SDK1: variants seen among roughly 807,000 people sequenced by gnomAD.
SDK1 encodes protein sidekick-1.
In SDK1, 157 loss-of-function variants were observed where a neutral mutation model predicts 245.5. The observed-to-expected ratio is 0.64, with a 90% CI of 0.56 to 0.73. The LOEUF (loss-of-function observed/expected upper bound fraction) is 0.73. Ranked by LOEUF, SDK1 falls within the 30% of genes least tolerant of loss-of-function variation. SDK1 has a pLI of 0.00. For missense variants in SDK1, 3,583 were observed against 3,002.3 expected (o/e 1.19, Z -4.52); for synonymous variants, 1,647 against 1,278.5 (o/e 1.29, Z -6.15).
At chr7:3,503,500 A>G (rs1238605968) in intron 1 of SDK1, among the ~76,000 whole-genome samples, 3 of 152,070 alleles carry the variant, frequency 2.0e-5, no homozygotes, top group African/African-American at 7.2e-5. Context: ...CAATATAGTG[A>G]GAACCTTCCT....
At position 3,648,145 on chromosome 7, in the gene SDK1, G is replaced by A. The variant is rs140491169; in HGVS notation, c.713+6040G>A. Among the ~76,000 whole-genome samples the A allele has an allele frequency of 6.6e-4, 100 of 152,216 alleles. 2 individuals carry two copies. The East Asian group carries it at 0.018, about 28-fold the overall frequency. Reference sequence around the variant, plus strand: ...TCTAATTTGATAATAAAATTGTTCTGTGTTATTTTGGTTTAGATATATTTT... The same window carrying A: ...TCTAATTTGATAATAAAATTGTTCTATGTTATTTTGGTTTAGATATATTTT... On this transcript the variant is annotated intron_variant, in intron 4 of 44. Coordinates refer to ENST00000404826, the MANE Select transcript of SDK1 (RefSeq NM_152744.4).
At chr7:3,580,968 C>CAAAAA (rs60617574) in intron 1 of SDK1, among the ~76,000 whole-genome samples, 4 of 24,880 alleles carry the variant, frequency 1.6e-4, no homozygotes, top group Admixed American at 8.3e-4. Flanking sequence ...GACTCCATCT[C>CAAAAA]AAAAAAAAAA....
chr7:4,139,447 A>ATGTGTGTGTATATGTG (rs1779333086), intron 28 of SDK1, among the ~76,000 whole-genome samples: 1 of 102,098 alleles, frequency 9.8e-6, no homozygotes, highest in African/African-American at 3.6e-5. Context: ...GTGTGTGTAT[A>ATGTGTGTGTATATGTG]TGTGTGTGTA....
At chr7:3,622,474 C>A (rs1029337077) in intron 2 of SDK1, among the ~76,000 whole-genome samples, 3 of 152,096 alleles carry the variant, frequency 2.0e-5, no homozygotes, top group Non-Finnish European at 4.4e-5. Context: ...GAGTGAGACT[C>A]CATCTCCAAA....
At chr7:4,259,900 C>A (rs1000709731) in intron 44 of SDK1, among the ~76,000 whole-genome samples, 1 of 152,182 alleles carries the variant, frequency 6.6e-6, no homozygotes, top group Non-Finnish European at 1.5e-5. Context: ...TCCCACCCAG[C>A]CTCTCTCGCT....
intron 1 of SDK1, among the ~76,000 whole-genome samples, chr7:3,557,085 A>G (rs1002718418): frequency 1.8e-4 from 27 of 152,082 alleles, no homozygotes; most frequent in African/African-American, 6.0e-4. Context: ...CAGAACAAGC[A>G]GAAGGAAAGA....
intron 5 of SDK1, among the ~76,000 whole-genome samples, chr7:3,903,074 A>T (rs1013400720): frequency 6.6e-6 from 1 of 152,038 alleles, no homozygotes; most frequent in Non-Finnish European, 1.5e-5. Context: ...TCAATACCAC[A>T]GTGGGGTACC....
At chr7:3,935,257 C>CATTA (rs1389533711) in intron 5 of SDK1, among the ~76,000 whole-genome samples, 1 of 152,140 alleles carries the variant, frequency 6.6e-6, no homozygotes, top group Non-Finnish European at 1.5e-5. Context: ...GTGTACAAAG[C>CATTA]TTAATGCAAA....
At chr7:3,975,562 T>C (rs1782857427) in intron 13 of SDK1, among the ~76,000 whole-genome samples, 1 of 152,212 alleles carries the variant, frequency 6.6e-6, no homozygotes, top group African/African-American at 2.4e-5. Context: ...GGATTAAAAA[T>C]GAAAAGAATG....
chr7:3,863,164 TC>T (rs1424851658), intron 5 of SDK1, among the ~76,000 whole-genome samples: 1 of 152,128 alleles, frequency 6.6e-6, no homozygotes, highest in African/African-American at 2.4e-5. Flanking sequence ...TCACTTCTGT[TC>T]CAGGCTGGAT....
intron 4 of SDK1, among the ~76,000 whole-genome samples, chr7:3,720,268 C>CA (rs1190804740): frequency 6.6e-6 from 1 of 151,266 alleles, no homozygotes. Context: ...AAAACAACAA[C>CA]AAAAAAAGTA....
rs769254599 is a variant in SDK1, at chr7:4,119,054, C to T, written c.3823+4780C>T. On this transcript the variant is annotated intron_variant, in intron 25 of 44. Transcript: ENST00000404826. ...ATTCACTAAAAAATGTTGAATTGTA[C>T]AATTTAGGGGAATTGTATGATATAT... Among the ~76,000 whole-genome samples the T allele has an allele frequency of 1.1e-4, 17 of 147,978 alleles. 1 individual carries two copies. The highest frequency in any genetic ancestry group is 1.1e-4 in the Non-Finnish European group (7 of 66,470).
intron 17 of SDK1, among the ~76,000 whole-genome samples, chr7:4,033,440 A>G (rs1326611855): frequency 1.3e-5 from 2 of 152,238 alleles, no homozygotes; most frequent in Non-Finnish European, 2.9e-5. Context: ...TCTCGAAGCA[A>G]TAATGAAAAG....
At chr7:3,837,630 A>C (rs996041503) in intron 5 of SDK1, among the ~76,000 whole-genome samples, 15 of 152,284 alleles carry the variant, frequency 9.9e-5, no homozygotes, top group African/African-American at 3.4e-4. Context: ...TTGCTTCTAC[A>C]TTAGCTGGCT....
chr7:4,020,605 C>T (rs1786810236), intron 17 of SDK1, among the ~76,000 whole-genome samples: 1 of 152,104 alleles, frequency 6.6e-6, no homozygotes, highest in African/African-American at 2.4e-5. Context: ...CATGAGGAAG[C>T]AGAGTGACAA....
At chr7:4,081,044 G>A (rs896254744) in intron 22 of SDK1, among the ~76,000 whole-genome samples, 11 of 152,176 alleles carry the variant, frequency 7.2e-5, no homozygotes, top group Admixed American at 1.3e-4. Context: ...TTTTAGGCCC[G>A]CAGAAGCACG....
At chr7:3,809,016 A>T (rs141056735) in intron 4 of SDK1, among the ~76,000 whole-genome samples, 35 of 152,114 alleles carry the variant, frequency 2.3e-4, no homozygotes, top group Non-Finnish European at 1.5e-4. Flanking sequence ...CTGTTCTTGC[A>T]TTGTTATAAG....
At chr7:3,504,196 G>GTGTGTGTGTGTGTGTGTGTGTC (rs1782314085) in intron 1 of SDK1, among the ~76,000 whole-genome samples, 1 of 150,864 alleles carries the variant, frequency 6.6e-6, no homozygotes, top group Non-Finnish European at 1.5e-5. Flanking sequence ...GTGTGTGTGT[G>GTGTGTGTGTGTGTGTGTGTGTC]TGTGTGTGTG....
At chr7:3,682,417 A>G (rs1486266538) in intron 4 of SDK1, among the ~76,000 whole-genome samples, 1 of 152,266 alleles carries the variant, frequency 6.6e-6, no homozygotes, top group Non-Finnish European at 1.5e-5. Context: ...TCTATAATGA[A>G]GCTGTCACAA....
Sources: allele counts gnomAD v4.1 joint callset (sites outside exome capture counted in the v4.1 genomes callset), GRCh38; gene constraint gnomAD v4.1.1; transcripts MANE v1.5; gene names NCBI Gene and HGNC (gene_info 2026-07-23, HGNC 2026-07-21).